Variants in CRHBP observed in about 807,000 individuals in gnomAD.
CRHBP encodes the protein corticotropin releasing hormone binding protein, also known as corticotropin-releasing hormone-binding protein.
CRHBP carries 19 observed loss-of-function variants against 34.9 expected under a neutral mutation model. The ratio of observed to expected loss-of-function variants is 0.55; its 90% CI spans 0.38 to 0.80. The LOEUF (loss-of-function observed/expected upper bound fraction) is 0.80. Among genes scored for constraint, CRHBP ranks in the 30% least tolerant of loss-of-function variants. The probability of loss-of-function intolerance (pLI) is 0.00; values close to 1 mark genes in which losing one functional copy is unlikely to be tolerated. For missense variants in CRHBP, 328 were observed against 409.2 expected (o/e 0.80, Z 1.71); for synonymous variants, 154 against 153.4 (o/e 1.00, Z -0.03).
chr5:76,957,450 G>C (rs150535097), intron 4 of CRHBP, among the ~76,000 whole-genome samples: 96 of 152,260 alleles, frequency 6.3e-4, no homozygotes, highest in African/African-American at 2.2e-3. Context: ...GCAGTGGCAC[G>C]ATCTTGGCTC....
rs1745820473 is a variant in CRHBP, at chr5:76,963,869, T to G, written c.811+409T>G. Among the ~76,000 whole-genome samples, 4 of 152,338 alleles carry G rather than the reference T, an allele frequency of 2.6e-5. No homozygotes were observed. In the South Asian group the frequency reaches 8.3e-4, roughly 32 times the overall value. On this transcript the variant is annotated intron_variant, in intron 6 of 6. Coordinates refer to ENST00000274368, the MANE Select transcript of CRHBP (RefSeq NM_001882.4). ...TAACTGTTTTTTATGTATGTGTATGTATGTGTGTGTGTTACTCATAGTAAA... is the reference window on the plus strand; with the variant it reads ...TAACTGTTTTTTATGTATGTGTATGGATGTGTGTGTGTTACTCATAGTAAA...
downstream of CRHBP, among the ~76,000 whole-genome samples, chr5:76,971,388 T>TG (rs1455601165): frequency 6.6e-6 from 1 of 152,206 alleles, no homozygotes; most frequent in Non-Finnish European, 1.5e-5. Context: ...ATGTGTTGGC[T>TG]GTTATTTTTA....
rs1262253529 is a variant in CRHBP at position 76,954,114 on chromosome 5, C to T, written c.261C>T (p.Ser87=). Residue 87 remains serine (S), a synonymous_variant, in exon 3 of 7, where the codon AGC becomes AGT. Coordinates refer to ENST00000274368, the MANE Select transcript of CRHBP (RefSeq NM_001882.4). ...TGCACTGCGCAGCCTTCTTCATCAGCGAGCCCGAGGAGTTCATTACCATCC... is the reference window on the plus strand; with the variant it reads ...TGCACTGCGCAGCCTTCTTCATCAGTGAGCCCGAGGAGTTCATTACCATCC... ...PQLHCAAFFI[S]EPEEFITIHY... The T allele has an allele frequency of 3.1e-6, 5 of 1,614,066 alleles. No individual in the cohort carries two copies. Among genetic ancestry groups the T allele is most frequent in the African/African-American group, 1.3e-5 (1 of 75,062 alleles).
intron 6 of CRHBP, among the ~76,000 whole-genome samples, chr5:76,965,322 TAA>T (rs369821634): frequency 1.5e-4 from 23 of 152,334 alleles, no homozygotes; most frequent in African/African-American, 5.5e-4. Context: ...ACCTATATTC[TAA>T]AAGTTTCAGA....
rs200414648 is a variant in CRHBP at position 76,958,751 on chromosome 5, C to A, written c.555C>A (p.Val185=). The A allele has an allele frequency of 6.2e-7, 1 of 1,606,420 alleles. No homozygotes were observed. The highest frequency in any genetic ancestry group is 2.2e-5 in the East Asian group (1 of 44,858). The change falls in exon 5 of 7, where the codon GTC becomes GTA. Residue 185 remains valine, a synonymous_variant. Transcript: ENST00000274368. ...TTCTTTTCTACAAAGCTTGCAATGT[C>A]ATTTCTCAGACTCCAAATGGAAAGT... The part of the protein sequence containing the change: ...KTDPNLFPCN[V]ISQTPNGKFT...
At chr5:76,954,647 C>T (rs1479983295) in intron 3 of CRHBP, among the ~76,000 whole-genome samples, 1 of 152,200 alleles carries the variant, frequency 6.6e-6, no homozygotes, top group Non-Finnish European at 1.5e-5. Flanking sequence ...TGCTGGTCCA[C>T]GCTCGGCAGA....
intron 5 of CRHBP, among the ~76,000 whole-genome samples, chr5:76,959,716 T>G (rs910190972): frequency 3.9e-5 from 6 of 152,240 alleles, no homozygotes; most frequent in Non-Finnish European, 8.8e-5. Context: ...CCTAAATTCA[T>G]GGACTAGTGC....
At chr5:76,965,218 G>T (rs1745844572) in intron 6 of CRHBP, among the ~76,000 whole-genome samples, 1 of 152,128 alleles carries the variant, frequency 6.6e-6, no homozygotes, top group Non-Finnish European at 1.5e-5. Context: ...GGGATGGGGA[G>T]CATCTTGGAA....
intron 4 of CRHBP, among the ~76,000 whole-genome samples, chr5:76,957,534 C>T (rs190208254): frequency 3.3e-5 from 5 of 152,112 alleles, no homozygotes; most frequent in South Asian, 2.1e-4. Context: ...TACAGGCGCC[C>T]GTCACCATGC....
chr5:76,953,782 G>T, intron 2 of CRHBP, 88 bp downstream of exon 2: 1 of 1,394,174 alleles, frequency 7.2e-7, no homozygotes. Flanking sequence ...CGGACATCTC[G>T]GGGAAGGGGC....
rs762057956 is a variant in CRHBP, at chr5:76,954,025, C to T, written c.176-4C>T. 1.5e-5 allele frequency: 24 copies of T among 1,611,390 alleles called. No homozygotes were observed. The highest frequency in any genetic ancestry group is 1.3e-5 in the African/African-American group (1 of 74,866). On this transcript the variant is annotated splice_region_variant and splice_polypyrimidine_tract_variant and intron_variant, in intron 2 of 6. Coordinates refer to ENST00000274368, the MANE Select transcript of CRHBP (RefSeq NM_001882.4). ...ACTTATTGCCCCATGCCCTCCTCCC[C>T]CAGGGTGCCTGGACATGCTGAGCCT... is the stretch of plus-strand genomic sequence containing the variant.
rs753659305 is a variant in CRHBP, at chr5:76,968,786, C to G, written c.870C>G (p.His290Gln). Residue 290 changes from histidine (H) to glutamine (Q), a missense_variant, in exon 7 of 7, where the codon CAC becomes CAG. Transcript: ENST00000274368. ...TGCGCATGGTCTCCAGTGGAAAACA[C>G]GTAAATCGTGTGACTTTTGAGTATC... The part of the protein sequence containing the change: ...TVVRMVSSGK[H>Q]VNRVTFEYRQ... 2 of 1,614,118 alleles carry G rather than the reference C, an allele frequency of 1.2e-6. No homozygotes were observed. The highest frequency in any genetic ancestry group is 1.7e-6 in the Non-Finnish European group (2 of 1,179,996).
intron 2 of CRHBP, among the ~76,000 whole-genome samples, chr5:76,975,825 AATATAT>A (rs1217039736): frequency 3.2e-5 from 2 of 61,842 alleles, no homozygotes; most frequent in South Asian, 5.1e-4. Flanking sequence ...AAAAAAAAAA[AATATAT>A]ATATATATAT....
At chr5:76,955,992 A>G (rs1745662905) in intron 4 of CRHBP, 129 bp downstream of exon 4, 1 of 735,392 alleles carries the variant, frequency 1.4e-6, no homozygotes. Context: ...GTAATTAGAA[A>G]TGACCTAAAG....
chr5:76,964,149 C>T (rs898635730), intron 6 of CRHBP, among the ~76,000 whole-genome samples: 1 of 152,040 alleles, frequency 6.6e-6, no homozygotes, highest in African/African-American at 2.4e-5. Context: ...GACTTCATGA[C>T]CTCATGACCA....
chr5:76,968,708 A>T lies in CRHBP; in HGVS notation c.812-20A>T. ...GTTTCTAACCTGCTGGGAAACTTTT[A>T]TCTTTTCCATCCATTATAGCCCAGA... On this transcript the variant is annotated intron_variant, in intron 6 of 6. Transcript: ENST00000274368. The T allele has an allele frequency of 6.3e-7, 1 of 1,585,542 alleles. No individual in the cohort carries two copies. The highest frequency in any genetic ancestry group is 8.6e-7 in the Non-Finnish European group (1 of 1,162,976).
At chr5:76,953,576 C>T (rs756025236) in intron 1 of CRHBP, 25 bp from the exon 2 acceptor site, 13 of 1,605,290 alleles carry the variant, frequency 8.1e-6, no homozygotes, top group Middle Eastern at 1.6e-4. Context: ...TGAACTTTTC[C>T]GGACTGACCT....
chr5:76,956,391 C>G (rs1282609038), intron 4 of CRHBP, among the ~76,000 whole-genome samples: 1 of 152,228 alleles, frequency 6.6e-6, no homozygotes, highest in African/African-American at 2.4e-5. Flanking sequence ...GATGGACACA[C>G]ACGTAGCTTA....
intron 5 of CRHBP, among the ~76,000 whole-genome samples, chr5:76,961,181 A>C (rs1301472103): frequency 6.6e-6 from 1 of 152,252 alleles, no homozygotes; most frequent in Non-Finnish European, 1.5e-5. Flanking sequence ...AGGTCCCTGC[A>C]TAACTCAGTT....
Sources: gnomAD v4.1 joint callset for allele counts (sites outside exome capture counted in the v4.1 genomes callset) on GRCh38, gnomAD v4.1.1 for gene constraint, MANE v1.5 for transcripts, NCBI Gene and HGNC (gene_info 2026-07-23, HGNC 2026-07-21) for gene names.